MED14: variants seen among roughly 807,000 people sequenced by gnomAD.
The protein encoded by MED14 is mediator of RNA polymerase II transcription subunit 14.
MED14 carries 8 observed loss-of-function variants against 109.0 expected under a neutral mutation model. That is an observed-to-expected ratio of 0.07 (90% CI 0.04 to 0.13). The LOEUF is 0.13. MED14 is among the 10% of genes least tolerant of loss of function. The pLI is 1.00. For missense variants in MED14, 711 were observed against 1,142.4 expected, an observed-to-expected ratio of 0.62 and a Z score of 5.44; for synonymous variants, 399 against 408.7, an observed-to-expected ratio of 0.98 and a Z score of 0.29.
intron 10 of MED14, 25 bp downstream of exon 10, chrX:40,709,323 C>A: frequency 1.3e-6 from 1 of 773,724 alleles, no homozygotes; most frequent in Non-Finnish European, 1.8e-6. Flanking sequence ...AAAAGAAAAA[C>A]AAATGTCAAT....
At position 40,662,635 on chromosome X, in the gene MED14, A is replaced by AGTGCTCCTGTGTGCT. The variant is rs1929329503; in HGVS notation, c.3684+275_3684+289dup. On this transcript the variant is annotated intron_variant, in intron 26 of 30. Coordinates refer to ENST00000324817, the MANE Select transcript of MED14 (RefSeq NM_004229.4). ...CTCTGCAAGGCCAGATCCTGTGCGC[A>AGTGCTCCTGTGTGCT]GTGCTCCTGTGTGCTGCAGAAATCT... is the stretch of plus-strand genomic sequence containing the variant. Among the ~76,000 whole-genome samples, 8 of 112,336 alleles carry AGTGCTCCTGTGTGCT rather than the reference A, an allele frequency of 7.1e-5. No homozygotes were observed. The South Asian group carries it at 2.9e-3, about 41-fold the overall frequency.
At chrX:40,729,244 C>T in intron 2 of MED14, 75 bp downstream of exon 2, 1 of 1,022,467 alleles carries the variant, frequency 9.8e-7, no homozygotes, top group Non-Finnish European at 1.3e-6. Context: ...AGCCCTACAC[C>T]ACCCATACCC....
chrX:40,706,726 CTTTGAG>C (rs1023428832), intron 10 of MED14, among the ~76,000 whole-genome samples: 5 of 111,664 alleles, frequency 4.5e-5, no homozygotes, highest in African/African-American at 1.6e-4. Flanking sequence ...TAAACGTATG[CTTTGAG>C]TTTATTTTTC....
chrX:40,663,108 G>A lies in MED14; in HGVS notation c.3501C>T (p.Arg1167=), dbSNP rs1425549775. The A allele has an allele frequency of 8.3e-7, 1 of 1,211,757 alleles. No homozygotes were observed. Among genetic ancestry groups the A allele is most frequent in the East Asian group, 3.0e-5 (1 of 33,844 alleles). The stretch of plus-strand genomic sequence containing the variant: ...TGGTAGGTATGGATGCCGCCCAAGA[G>A]CGCTGAGGTAGTTTACGAGGTGGAG... The part of the protein sequence containing the change: ...NMPPPRKLPQ[R]SWAASIPTIL... Residue 1167 remains arginine (R), a synonymous_variant, in exon 26 of 31, where the codon CGC becomes CGT. Coordinates refer to ENST00000324817, the MANE Select transcript of MED14 (RefSeq NM_004229.4).
intron 10 of MED14, among the ~76,000 whole-genome samples, chrX:40,706,866 G>T (rs1931162375): frequency 8.9e-6 from 1 of 112,086 alleles, no homozygotes; most frequent in Non-Finnish European, 1.9e-5. Flanking sequence ...GTAAACCAGA[G>T]CCTATCAAAA....
intron 3 of MED14, among the ~76,000 whole-genome samples, chrX:40,725,744 T>C (rs1373165813): frequency 9.0e-6 from 1 of 111,674 alleles, no homozygotes; most frequent in Non-Finnish European, 1.9e-5. Context: ...GGAGAAAAAC[T>C]GAAAGCCCTT....
chrX:40,680,929 A>G lies in MED14; in HGVS notation c.2458-19T>C, dbSNP rs781659807. On this transcript the variant is annotated intron_variant, in intron 19 of 30. Coordinates refer to ENST00000324817, the MANE Select transcript of MED14 (RefSeq NM_004229.4). ...TACTAATCTAAATAAAAAAGATTAC[A>G]TGTTTCAGAAACTGAGAAAGTAACA... 1.9e-6 allele frequency: 2 copies of G among 1,043,312 alleles called. No individual in the cohort carries two copies. The highest frequency in any genetic ancestry group is 2.3e-5 in the South Asian group (1 of 43,449). The allele number at this position is 1,043,312 out of a possible 1,213,427, so 86.0% of individuals were successfully genotyped here. A position where few individuals can be genotyped will look rare whatever the true frequency, so the allele number is the denominator to read the frequency against.
At chrX:40,657,975 G>A (rs1328790705) in intron 28 of MED14, among the ~76,000 whole-genome samples, 1 of 109,756 alleles carries the variant, frequency 9.1e-6, no homozygotes, top group East Asian at 2.9e-4. Context: ...TGTATTTTTA[G>A]TAGAGACGAG....
intron 3 of MED14, 116 bp from the exon 4 acceptor site, chrX:40,714,826 T>C (rs960438307): frequency 3.1e-6 from 2 of 639,325 alleles, no homozygotes; most frequent in African/African-American, 2.2e-5. Flanking sequence ...CAGTTTTCCA[T>C]ATTTCAAAGT....
Position 40,662,234 on chromosome X carries a change from CTTTTT to C in MED14, c.3684+686_3684+690del, listed in dbSNP as rs775003166. Reference sequence around the variant, plus strand: ...ATAATTTTCTTCAAATTTTTTTTCTCTTTTTATTTTTTTAGAGACAGGGTCTCACT... The same window carrying C: ...ATAATTTTCTTCAAATTTTTTTTCTCATTTTTTTAGAGACAGGGTCTCACT... On this transcript the variant is annotated intron_variant, in intron 26 of 30. Coordinates refer to ENST00000324817, the MANE Select transcript of MED14 (RefSeq NM_004229.4). 4.9e-3 allele frequency among the ~76,000 whole-genome samples: 540 copies of C among 110,741 alleles called. 3 individuals are homozygous for C. Among genetic ancestry groups the C allele is most frequent in the African/African-American group, 0.017 (517 of 30,375 alleles).
Position 40,680,488 on chromosome X carries a change from G to C in MED14, c.2610+270C>G, listed in dbSNP as rs1292395846. The stretch of plus-strand genomic sequence containing the variant: ...GCTGGAGTACAGTGGCACAATCACC[G>C]CTCACTGCAGCCTTGACCTCCCCAG... On this transcript the variant is annotated intron_variant, in intron 20 of 30. Transcript: ENST00000324817. Among the ~76,000 whole-genome samples the C allele has an allele frequency of 5.4e-5, 6 of 111,482 alleles. No individual in the cohort carries two copies. The East Asian group carries it at 1.4e-3, about 26-fold the overall frequency.
intron 26 of MED14, among the ~76,000 whole-genome samples, chrX:40,662,423 A>G (rs1213736028): frequency 9.1e-6 from 1 of 110,146 alleles, no homozygotes. Context: ...GGGTCTTGCT[A>G]TATTGCCTAG....
chrX:40,661,250 T>C (rs2071372378), intron 26 of MED14, among the ~76,000 whole-genome samples: 1 of 112,185 alleles, frequency 8.9e-6, no homozygotes, highest in African/African-American at 3.2e-5. Flanking sequence ...CCCAGCTAAT[T>C]TTTGTGTTTC....
chrX:40,725,554 A>C (rs1318899531), intron 3 of MED14, among the ~76,000 whole-genome samples: 2 of 112,376 alleles, frequency 1.8e-5, no homozygotes, highest in Non-Finnish European at 3.8e-5. Flanking sequence ...GTGATACATC[A>C]TATCTATAGA....
At chrX:40,707,553 G>A (rs1931196972) in intron 10 of MED14, among the ~76,000 whole-genome samples, 1 of 111,725 alleles carries the variant, frequency 9.0e-6, no homozygotes, top group African/African-American at 3.3e-5. Flanking sequence ...AATGATGAAT[G>A]GATAAACAAA....
chrX:40,682,756 G>T lies in MED14; in HGVS notation c.2219-7C>A, dbSNP rs372468585. ...TAAACGTGCCGGGATGGTCCTACAG[G>T]ATTAAAAGAGAATATTAATAGTAAT... On this transcript the variant is annotated splice_polypyrimidine_tract_variant and splice_region_variant and intron_variant, in intron 17 of 30. Transcript: ENST00000324817. 2 of 1,203,000 alleles carry T rather than the reference G, an allele frequency of 1.7e-6. No individual in the cohort carries two copies. Among genetic ancestry groups the T allele is most frequent in the African/African-American group, 3.5e-5 (2 of 56,617 alleles).
chrX:40,734,705 CTTCA>C (rs1316410703), intron 1 of MED14, among the ~76,000 whole-genome samples: 1 of 112,520 alleles, frequency 8.9e-6, no homozygotes, highest in Non-Finnish European at 1.9e-5. Flanking sequence ...CTCACACTAA[CTTCA>C]TTAAGACCTC....
intron 1 of MED14, among the ~76,000 whole-genome samples, chrX:40,729,991 C>T (rs948051669): frequency 8.9e-6 from 1 of 112,268 alleles, no homozygotes; most frequent in Admixed American, 9.4e-5. Flanking sequence ...TTCACATCCA[C>T]TGATGCCTAG....
rs779903634 is a variant in MED14 at position 40,674,138 on chromosome X, C to A, written c.3021+1083G>T. Among the ~76,000 whole-genome samples the A allele has an allele frequency of 1.0e-3, 114 of 111,513 alleles. 1 individual carries two copies. The highest frequency in any genetic ancestry group is 1.6e-3 in the Admixed American group (17 of 10,535). ...GTACTTCTCTCCCATGGTGGCCCAGCATCTTCAAAGGGCTAGTATCTCATC... is the reference window on the plus strand; with the variant it reads ...GTACTTCTCTCCCATGGTGGCCCAGAATCTTCAAAGGGCTAGTATCTCATC... On this transcript the variant is annotated intron_variant, in intron 22 of 30. Transcript: ENST00000324817.
Sources: gnomAD v4.1 joint callset for allele counts (sites outside exome capture counted in the v4.1 genomes callset) on GRCh38, gnomAD v4.1.1 for gene constraint, MANE v1.5 for transcripts, NCBI Gene and HGNC (gene_info 2026-07-23, HGNC 2026-07-21) for gene names.